Variants in ARHGAP10 observed in about 807,000 individuals in gnomAD.
ARHGAP10 encodes Rho GTPase activating protein 10.
In ARHGAP10, 87 loss-of-function variants were observed where a neutral mutation model predicts 108.6. The observed-to-expected ratio is 0.80, with a 90% CI of 0.67 to 0.96. The LOEUF (loss-of-function observed/expected upper bound fraction) is 0.96. Among genes scored for constraint, ARHGAP10 ranks in the 40% least tolerant of loss-of-function variants. The probability of loss-of-function intolerance (pLI) is 0.00; values close to 1 mark genes in which losing one functional copy is unlikely to be tolerated. For synonymous variants in ARHGAP10, 347 were observed against 341.1 expected (o/e 1.02, Z -0.19); for missense variants, 939 against 954.5 (o/e 0.98, Z 0.21).
intron 15 of ARHGAP10, among the ~76,000 whole-genome samples, chr4:147,955,085 T>G (rs190491236): frequency 2.6e-5 from 4 of 152,216 alleles, no homozygotes; most frequent in Admixed American, 2.6e-4. Flanking sequence ...TACTGTATGC[T>G]TAGGTCTAGT....
At chr4:147,885,490 T>C (rs1477417292) in intron 10 of ARHGAP10, among the ~76,000 whole-genome samples, 1 of 152,098 alleles carries the variant, frequency 6.6e-6, no homozygotes, top group Non-Finnish European at 1.5e-5. Flanking sequence ...CCACAACATA[T>C]GGGGATTATG....
chr4:147,986,738 G>A (rs533729417), intron 18 of ARHGAP10, among the ~76,000 whole-genome samples: 1 of 152,328 alleles, frequency 6.6e-6, no homozygotes, highest in South Asian at 2.1e-4. Context: ...ATTCTGTAAA[G>A]TACATCATGA....
intron 19 of ARHGAP10, among the ~76,000 whole-genome samples, chr4:148,025,732 C>T (rs747194696): frequency 1.7e-4 from 26 of 152,028 alleles, no homozygotes; most frequent in Non-Finnish European, 3.2e-4. Context: ...CTTGTCATTA[C>T]GACTTAATTT....
intron 11 of ARHGAP10, among the ~76,000 whole-genome samples, chr4:147,908,558 A>G (rs1443174077): frequency 6.6e-6 from 1 of 152,206 alleles, no homozygotes; most frequent in Non-Finnish European, 1.5e-5. Context: ...GGGACTGCAT[A>G]TTTTTGGTGG....
At chr4:147,840,625 T>C (rs1277295175) in intron 3 of ARHGAP10, among the ~76,000 whole-genome samples, 1 of 152,228 alleles carries the variant, frequency 6.6e-6, no homozygotes, top group African/African-American at 2.4e-5. Context: ...CATTGGCTTA[T>C]GTTAAACTTT....
intron 18 of ARHGAP10, among the ~76,000 whole-genome samples, chr4:147,968,232 C>T (rs1313300961): frequency 1.3e-5 from 2 of 152,174 alleles, no homozygotes; most frequent in Non-Finnish European, 2.9e-5. Flanking sequence ...AATAGGACCA[C>T]CTTGAGGGCC....
At chr4:147,955,915 G>A (rs1426424455) in intron 16 of ARHGAP10, among the ~76,000 whole-genome samples, 6 of 152,044 alleles carry the variant, frequency 3.9e-5, no homozygotes, top group East Asian at 1.9e-4. Flanking sequence ...AATGAAAAAG[G>A]CCTATAGTTG....
intron 20 of ARHGAP10, among the ~76,000 whole-genome samples, chr4:148,057,787 A>G (rs1347104793): frequency 6.6e-6 from 1 of 152,230 alleles, no homozygotes; most frequent in African/African-American, 2.4e-5. Context: ...TTAATTGGGC[A>G]TTCTCCACTC....
intron 1 of ARHGAP10, among the ~76,000 whole-genome samples, chr4:147,820,848 T>C (rs892610192): frequency 1.1e-4 from 17 of 152,188 alleles, no homozygotes; most frequent in African/African-American, 2.4e-4. Context: ...ACCTTGGCCT[T>C]CCAAAGTGCT....
At position 147,913,047 on chromosome 4, in the gene ARHGAP10, C is replaced by CT. The variant is rs779031940; in HGVS notation, c.1163-25dup. On this transcript the variant is annotated intron_variant, in intron 12 of 22. Coordinates refer to ENST00000336498, the MANE Select transcript of ARHGAP10 (RefSeq NM_024605.4). ...AAATGTGATAAATAATAATTGTACA[C>CT]TTAATGTTTTAAACTGTTTCTTGTA... 3.8e-6 allele frequency: 6 copies of CT among 1,586,028 alleles called. No homozygotes were observed. In the East Asian group the frequency reaches 1.3e-4, roughly 35 times the overall value.
chr4:147,802,211 TC>T (rs1441632124), intron 1 of ARHGAP10, among the ~76,000 whole-genome samples: 2 of 152,210 alleles, frequency 1.3e-5, no homozygotes, highest in Non-Finnish European at 2.9e-5. Context: ...GAAAAATATA[TC>T]TGACCTGTAT....
intron 10 of ARHGAP10, among the ~76,000 whole-genome samples, chr4:147,885,778 A>G (rs1333623216): frequency 6.6e-6 from 1 of 152,074 alleles, no homozygotes; most frequent in Non-Finnish European, 1.5e-5. Context: ...CATTTCCTAT[A>G]GTTGTTTTTC....
chr4:147,966,865 A>G lies in ARHGAP10; in HGVS notation c.1716+26A>G, dbSNP rs780489874. 3 of 1,533,076 alleles carry G rather than the reference A, an allele frequency of 2.0e-6. No homozygotes were observed. In the Admixed American group the frequency reaches 5.5e-5, roughly 28 times the overall value. The allele number at this position is 1,533,076 out of a possible 1,614,324, so 95.0% of individuals were successfully genotyped here. ...GTAAAATTTTTTTTTTCTTTAAGAG[A>G]CTTTGTTTTCGGCTTGTCGCCATGT... On this transcript the variant is annotated intron_variant, in intron 18 of 22. Transcript: ENST00000336498.
At chr4:147,987,772 G>A (rs1740099419) in intron 18 of ARHGAP10, among the ~76,000 whole-genome samples, 1 of 152,208 alleles carries the variant, frequency 6.6e-6, no homozygotes, top group African/African-American at 2.4e-5. Flanking sequence ...AGAAAAGGCA[G>A]TGATGGGGAG....
chr4:147,855,682 GTTTTT>G (rs566406361), intron 4 of ARHGAP10, among the ~76,000 whole-genome samples: 8 of 124,780 alleles, frequency 6.4e-5, no homozygotes, highest in African/African-American at 1.5e-4. Flanking sequence ...TTGTCAGATG[GTTTTT>G]TTTTTTTTTT....
At position 147,946,602 on chromosome 4, in the gene ARHGAP10, T is replaced by C; in HGVS notation, c.1304-15T>C. The C allele has an allele frequency of 6.2e-7, 1 of 1,607,704 alleles. No homozygotes were observed. On this transcript the variant is annotated splice_polypyrimidine_tract_variant and intron_variant, in intron 14 of 22. Coordinates refer to ENST00000336498, the MANE Select transcript of ARHGAP10 (RefSeq NM_024605.4). ...AAGGTTTTAATTATTTTTTTCTTGT[T>C]TGCTTGCTCACTAGATGTAAAAACA...
chr4:147,952,047 A>C (rs1179133146), intron 15 of ARHGAP10, among the ~76,000 whole-genome samples: 1 of 152,198 alleles, frequency 6.6e-6, no homozygotes, highest in African/African-American at 2.4e-5. Context: ...GTATTATTTC[A>C]CTTAGAATAG....
At position 147,785,296 on chromosome 4, in the gene ARHGAP10, T is replaced by C. The variant is rs557176817; in HGVS notation, c.155-37431T>C. Among the ~76,000 whole-genome samples, 6 of 152,164 alleles carry C rather than the reference T, an allele frequency of 3.9e-5. No homozygotes were observed. In the South Asian group the frequency reaches 1.2e-3, roughly 32 times the overall value. On this transcript the variant is annotated intron_variant, in intron 1 of 22. Transcript: ENST00000336498. ...GCTTGTTGTGTTTTATTTCTTCTGT[T>C]GTGTCTCCAATCCAGTGCTCCATTT...
chr4:147,777,131 G>A (rs978614131), intron 1 of ARHGAP10, among the ~76,000 whole-genome samples: 7 of 152,126 alleles, frequency 4.6e-5, no homozygotes, highest in African/African-American at 1.7e-4. Context: ...GTTTTAAGGT[G>A]CATATGCATG....
Sources: gnomAD v4.1 joint callset for allele counts (sites outside exome capture counted in the v4.1 genomes callset) on GRCh38, gnomAD v4.1.1 for gene constraint, MANE v1.5 for transcripts, NCBI Gene and HGNC (gene_info 2026-07-23, HGNC 2026-07-21) for gene names.